Variants in ERICH3 observed in about 807,000 individuals in gnomAD.
ERICH3 encodes glutamate rich 3, also known as glutamate-rich protein 3.
Under a neutral mutation model 131.1 loss-of-function variants are expected in ERICH3, and 126 were observed. That is an observed-to-expected ratio of 0.96 (90% CI 0.83 to 1.11). The LOEUF (loss-of-function observed/expected upper bound fraction) is 1.11. ERICH3 is among the 50% of genes most tolerant of loss of function. The probability of loss-of-function intolerance (pLI) is 0.00; values close to 1 mark genes in which losing one functional copy is unlikely to be tolerated. For missense variants in ERICH3, 2,050 were observed against 1,810.7 expected (o/e 1.13, Z -2.40); for synonymous variants, 695 against 644.6 (o/e 1.08, Z -1.18).
In ERICH3 at chr1:74,578,046, T is replaced by C. The variant is rs1398884799; in HGVS notation, c.2177-1110A>G. 2.0e-5 allele frequency: 3 copies of C among 152,264 alleles called. No homozygotes were observed. In the East Asian group the frequency reaches 5.8e-4, roughly 29 times the overall value. The allele number at this position is 152,264 out of a possible 1,614,324, so 9.4% of individuals were successfully genotyped here. A position where few individuals can be genotyped will look rare whatever the true frequency, so the allele number is the denominator to read the frequency against. ...ATTCCTGAATTCCTGTTATCTGTAG[T>C]TGGTTACTAGCATAGACTTCAGGAT... On this transcript the variant is annotated intron_variant, in intron 12 of 14. Coordinates refer to ENST00000326665, the MANE Select transcript of ERICH3 (RefSeq NM_001002912.5).
rs773998135 is a variant in ERICH3, at chr1:74,572,658, G to T, written c.3052C>A (p.Leu1018Ile). 1 of 1,613,866 alleles carries T rather than the reference G, an allele frequency of 6.2e-7. No homozygotes were observed. The highest frequency in any genetic ancestry group is 1.1e-5 in the South Asian group (1 of 91,066). Residue 1018 changes from leucine (L) to isoleucine (I), a missense_variant, in exon 14 of 15, where the codon CTT becomes ATT. Physicochemically the swap from Leu to Ile is conservative, Grantham distance 5. Transcript: ENST00000326665. ...VSEGSPEEGS[L>I]AKEAFLCKED... ...TTGCAAAGGAAGGCTTCCTTTGCAA[G>T]GCTTCCTTCCTCAGGGCTGCCCTCC...
At chr1:74,652,861 C>T (rs1646549640) in intron 1 of ERICH3, among the ~76,000 whole-genome samples, 1 of 152,156 alleles carries the variant, frequency 6.6e-6, no homozygotes, top group African/African-American at 2.4e-5. Flanking sequence ...ACTATCTACC[C>T]ATCCCCTGGT....
intron 1 of ERICH3, among the ~76,000 whole-genome samples, chr1:74,668,125 T>G (rs1405079173): frequency 6.6e-6 from 1 of 152,188 alleles, no homozygotes; most frequent in Non-Finnish European, 1.5e-5. Flanking sequence ...AATTACCCAG[T>G]GTCAGGAAGT....
At chr1:74,602,358 A>G (rs769408158) in intron 10 of ERICH3, among the ~76,000 whole-genome samples, 1 of 151,960 alleles carries the variant, frequency 6.6e-6, no homozygotes, top group Admixed American at 6.6e-5. Flanking sequence ...TCATCTACTC[A>G]TGTTTTTGAT....
chr1:74,591,864 C>A (rs911605896), intron 11 of ERICH3: 1 of 152,010 alleles, frequency 6.6e-6, no homozygotes, highest in African/African-American at 2.4e-5. Flanking sequence ...TAAATGCTGC[C>A]TATTTTTTTG....
In ERICH3 at chr1:74,583,986, A is replaced by G. The variant is rs113427195; in HGVS notation, c.2176+5645T>C. Among the ~76,000 whole-genome samples, 803 of 152,294 alleles carry G rather than the reference A, an allele frequency of 5.3e-3. 9 individuals are homozygous for G. Among genetic ancestry groups the G allele is most frequent in the African/African-American group, 0.019 (771 of 41,566 alleles). ...TCATCTGTATTTTAAGAATGAAAGAATGCCATAAAAACACCATAAAGATAT... is the reference window on the plus strand; with the variant it reads ...TCATCTGTATTTTAAGAATGAAAGAGTGCCATAAAAACACCATAAAGATAT... On this transcript the variant is annotated intron_variant, in intron 12 of 14. Transcript: ENST00000326665.
intron 9 of ERICH3, among the ~76,000 whole-genome samples, chr1:74,608,728 G>A (rs1648518198): frequency 6.6e-6 from 1 of 152,036 alleles, no homozygotes; most frequent in African/African-American, 2.4e-5. Context: ...CCCATATTAA[G>A]CATGATAAAT....
chr1:74,664,010 C>T (rs1646666346), intron 1 of ERICH3, among the ~76,000 whole-genome samples: 1 of 151,958 alleles, frequency 6.6e-6, no homozygotes, highest in African/African-American at 2.4e-5. Flanking sequence ...ATGGAGTTTG[C>T]AATTTACATG....
chr1:74,626,119 T>C (rs757387382), intron 7 of ERICH3: 2 of 152,216 alleles, frequency 1.3e-5, no homozygotes, highest in Admixed American at 1.3e-4. Context: ...CTCTTTATCT[T>C]TTTAAATTGA....
intron 1 of ERICH3, among the ~76,000 whole-genome samples, chr1:74,659,691 T>A (rs776026177): frequency 2.0e-5 from 3 of 152,184 alleles, no homozygotes; most frequent in Admixed American, 6.5e-5. Flanking sequence ...TCTCTGTTAA[T>A]CTGCAAAACA....
chr1:74,630,368 G>T (rs893712618), intron 7 of ERICH3, among the ~76,000 whole-genome samples: 1 of 152,172 alleles, frequency 6.6e-6, no homozygotes, highest in African/African-American at 2.4e-5. Context: ...GTCAGTCTTG[G>T]TCAAGGGCTT....
chr1:74,572,380 TCTTA>T lies in ERICH3; in HGVS notation c.3326_3329del (p.Val1109GlufsTer35). The stretch of plus-strand genomic sequence containing the variant: ...GGGGAGCTTTTGTCTCTTCCTCAGC[TCTTA>T]CTTCTGTCTCTGTTTCCCCTTCTTC... On this transcript the variant is annotated frameshift_variant, in exon 14 of 15. Transcript: ENST00000326665. LOFTEE classifies it high-confidence loss of function. 6.2e-7 allele frequency: 1 copy of T among 1,613,818 alleles called. No homozygotes were observed. Among genetic ancestry groups the T allele is most frequent in the Non-Finnish European group, 8.5e-7 (1 of 1,180,006 alleles).
At chr1:74,670,416 G>T (rs1019325226) in intron 1 of ERICH3, among the ~76,000 whole-genome samples, 1 of 152,136 alleles carries the variant, frequency 6.6e-6, no homozygotes, top group Non-Finnish European at 1.5e-5. Flanking sequence ...TCCTAGCAAT[G>T]CTACCTCTAG....
intron 12 of ERICH3, among the ~76,000 whole-genome samples, chr1:74,580,404 C>G (rs1271111879): frequency 6.6e-6 from 1 of 152,124 alleles, no homozygotes; most frequent in African/African-American, 2.4e-5. Context: ...TACTTATAAT[C>G]ATTTTTGCAC....
chr1:74,618,182 C>G (rs2218354), intron 8 of ERICH3, among the ~76,000 whole-genome samples: 1 of 151,986 alleles, frequency 6.6e-6, no homozygotes, highest in East Asian at 1.9e-4. Context: ...AATTAAAAAC[C>G]GTTAATATAA....
Position 74,646,671 on chromosome 1 carries a change from A to T in ERICH3, c.239T>A (p.Met80Lys). The change falls in exon 3 of 15, where the codon ATG (methionine) becomes AAG (lysine). Residue 80 changes from methionine to lysine, a missense_variant. By Grantham distance (95) the Met-to-Lys change is moderately conservative. Transcript: ENST00000326665. Reference protein sequence around the residue: ...AQAIFHKVLDMERYHQLEIKK... With the variant: ...AQAIFHKVLDKERYHQLEIKK... Reference sequence around the variant, plus strand: ...AAAATAAGTATATATTTTTACCTCCATATCAAGAACTTTATGAAAAATTGC... The same window carrying T: ...AAAATAAGTATATATTTTTACCTCCTTATCAAGAACTTTATGAAAAATTGC... 7.5e-7 allele frequency: 1 copy of T among 1,329,816 alleles called. No homozygotes were observed. The allele number at this position is 1,329,816 out of a possible 1,614,324, so 82.4% of individuals were successfully genotyped here. A position where few individuals can be genotyped will look rare whatever the true frequency, so the allele number is the denominator to read the frequency against.
chr1:74,569,161 A>C lies in ERICH3; in HGVS notation c.*1297T>G, dbSNP rs1202873562. 6.6e-6 allele frequency: 1 copy of C among 152,212 alleles called. No homozygotes were observed. The allele number at this position is 152,212 out of a possible 1,614,324, so 9.4% of individuals were successfully genotyped here. A position where few individuals can be genotyped will look rare whatever the true frequency, so the allele number is the denominator to read the frequency against. On this transcript the variant is annotated 3_prime_UTR_variant, in exon 15 of 15. Transcript: ENST00000326665. ...AACAGCGGTTCTCAACCTTGGCTAC[A>C]GAGAAGAATCAAGTGAAAAGTTAAA...
rs537266111 is a variant in ERICH3 at position 74,573,591 on chromosome 1, T to A, written c.2219-100A>T. On this transcript the variant is annotated intron_variant, in intron 13 of 14. Coordinates refer to ENST00000326665, the MANE Select transcript of ERICH3 (RefSeq NM_001002912.5). ...CACACTTATTTACAGTGTGAGATATTTATATGTGATATCAAGAGGCCATTG... is the reference window on the plus strand; with the variant it reads ...CACACTTATTTACAGTGTGAGATATATATATGTGATATCAAGAGGCCATTG... The A allele has an allele frequency of 4.5e-5, 57 of 1,279,718 alleles. No homozygotes were observed. In the African/African-American group the frequency reaches 7.0e-4, roughly 16 times the overall value. The allele number at this position is 1,279,718 out of a possible 1,614,324, so 79.3% of individuals were successfully genotyped here. A position where few individuals can be genotyped will look rare whatever the true frequency, so the allele number is the denominator to read the frequency against.
At chr1:74,648,707 G>A (rs1304114990) in intron 2 of ERICH3, among the ~76,000 whole-genome samples, 1 of 152,064 alleles carries the variant, frequency 6.6e-6, no homozygotes, top group African/African-American at 2.4e-5. Flanking sequence ...ACATTTAGAA[G>A]AATAGAAATT....
Sources: allele counts gnomAD v4.1 joint callset (sites outside exome capture counted in the v4.1 genomes callset), GRCh38; gene constraint gnomAD v4.1.1; transcripts MANE v1.5; gene names NCBI Gene and HGNC (gene_info 2026-07-23, HGNC 2026-07-21).